CERT1: variants seen among roughly 807,000 people sequenced by gnomAD.
CERT1 encodes ceramide transfer protein.
A neutral mutation model predicts 87.9 loss-of-function variants in CERT1; 31 were observed. The ratio of observed to expected loss-of-function variants is 0.35; its 90% CI spans 0.27 to 0.48. The LOEUF is 0.48. Among genes scored for constraint, CERT1 ranks in the 20% least tolerant of loss-of-function variants. CERT1 has a pLI of 0.99. For missense variants in CERT1, 487 were observed against 758.0 expected, an observed-to-expected ratio of 0.64 and a Z score of 4.20; for synonymous variants, 289 against 250.9, an observed-to-expected ratio of 1.15 and a Z score of -1.44.
chr5:75,477,127 A>T (rs1002443821), intron 2 of CERT1, among the ~76,000 whole-genome samples: 5 of 152,174 alleles, frequency 3.3e-5, no homozygotes, highest in Non-Finnish European at 7.3e-5. Context: ...ACTAGATGGA[A>T]ACTTTGGAAT....
chr5:75,485,041 A>G (rs1000792866), intron 2 of CERT1, among the ~76,000 whole-genome samples: 2 of 152,178 alleles, frequency 1.3e-5, no homozygotes, highest in African/African-American at 4.8e-5. Context: ...ATGCAATAAT[A>G]CTACAATTCA....
intron 5 of CERT1, among the ~76,000 whole-genome samples, chr5:75,421,113 T>C (rs965798503): frequency 2.6e-5 from 4 of 152,216 alleles, no homozygotes; most frequent in African/African-American, 9.6e-5. Context: ...CCAGCCTACA[T>C]GGCTCCTTTA....
Position 75,425,515 on chromosome 5 carries a change from T to G in CERT1, c.457-16A>C. The G allele has an allele frequency of 6.2e-7, 1 of 1,609,630 alleles. No individual in the cohort carries two copies. The highest frequency in any genetic ancestry group is 8.5e-7 in the Non-Finnish European group (1 of 1,178,506). On this transcript the variant is annotated splice_polypyrimidine_tract_variant and intron_variant, in intron 4 of 16. Coordinates refer to ENST00000643780, the MANE Select transcript of CERT1 (RefSeq NM_001379029.1). Reference sequence around the variant, plus strand: ...TGTGGCCTTTCTGCAAAACATAAAATAGGGGGATGTAATTCAAGTAAAACA... The same window carrying G: ...TGTGGCCTTTCTGCAAAACATAAAAGAGGGGGATGTAATTCAAGTAAAACA...
In CERT1 at chr5:75,386,053, C is replaced by A; in HGVS notation, c.1285-19G>T. The A allele has an allele frequency of 6.9e-7, 1 of 1,447,600 alleles. No individual in the cohort carries two copies. Among genetic ancestry groups the A allele is most frequent in the South Asian group, 1.6e-5 (1 of 60,624 alleles). 89.7% of individuals were successfully genotyped at this position (1,447,600 alleles called of 1,614,324 possible). A position where few individuals can be genotyped will look rare whatever the true frequency, so the allele number is the denominator to read the frequency against. On this transcript the variant is annotated intron_variant, in intron 12 of 16. Transcript: ENST00000643780. ...TGTATACCTAAAGAGAACATAATTC[C>A]AAAACTGTTTGAAAATTAAAAATCA...
intron 3 of CERT1, among the ~76,000 whole-genome samples, chr5:75,426,875 T>C (rs984414015): frequency 3.3e-5 from 5 of 152,176 alleles, no homozygotes; most frequent in East Asian, 1.9e-4. Flanking sequence ...GGTTGAACAA[T>C]AGTGTGAATG....
intron 2 of CERT1, among the ~76,000 whole-genome samples, chr5:75,465,914 GCTAA>G (rs1371556715): frequency 6.6e-6 from 1 of 152,200 alleles, no homozygotes; most frequent in Non-Finnish European, 1.5e-5. Context: ...ATGCCCATAT[GCTAA>G]CTAAGGGGAG....
At chr5:75,413,829 C>T (rs1334590556) in intron 7 of CERT1, among the ~76,000 whole-genome samples, 1 of 152,064 alleles carries the variant, frequency 6.6e-6, no homozygotes, top group Non-Finnish European at 1.5e-5. Flanking sequence ...TAGAAATAAT[C>T]ACTTTGGAAA....
chr5:75,388,256 TCTTA>T (rs1424141119), intron 12 of CERT1, among the ~76,000 whole-genome samples: 1 of 152,174 alleles, frequency 6.6e-6, no homozygotes, highest in African/African-American at 2.4e-5. Context: ...TTATCTTATG[TCTTA>T]CTTTGTTCCT....
In CERT1 at chr5:75,379,313, A is replaced by C; in HGVS notation, c.*33T>G. 6.4e-7 allele frequency: 1 copy of C among 1,560,406 alleles called. No individual in the cohort carries two copies. The highest frequency in any genetic ancestry group is 8.7e-7 in the Non-Finnish European group (1 of 1,150,228). On this transcript the variant is annotated 3_prime_UTR_variant, in exon 17 of 17. Coordinates refer to ENST00000643780, the MANE Select transcript of CERT1 (RefSeq NM_001379029.1). ...CATATTAGTCAAATAAAGTTAAAAA[A>C]AGATAAAACATATCTTCTAGTACCT... is the stretch of plus-strand genomic sequence containing the variant.
intron 2 of CERT1, among the ~76,000 whole-genome samples, chr5:75,471,480 G>A (rs1013880408): frequency 1.3e-5 from 2 of 152,098 alleles, no homozygotes; most frequent in African/African-American, 4.8e-5. Context: ...TGGTATGCTG[G>A]GCAGACGTGG....
chr5:75,411,793 G>A (rs1580733789), intron 7 of CERT1, among the ~76,000 whole-genome samples: 1 of 152,176 alleles, frequency 6.6e-6, no homozygotes, highest in East Asian at 1.9e-4. Context: ...CCAGTTAAGA[G>A]ATACATTTAT....
At chr5:75,409,414 A>G (rs1762839957) in intron 8 of CERT1, among the ~76,000 whole-genome samples, 1 of 152,266 alleles carries the variant, frequency 6.6e-6, no homozygotes, top group South Asian at 2.1e-4. Flanking sequence ...GAGCAAAAGT[A>G]GCAAGAAAAA....
intron 2 of CERT1, among the ~76,000 whole-genome samples, chr5:75,497,478 A>T (rs1767129389): frequency 6.6e-6 from 1 of 152,136 alleles, no homozygotes; most frequent in African/African-American, 2.4e-5. Context: ...GGCTGTAAGC[A>T]GTGATATGGT....
intron 3 of CERT1, among the ~76,000 whole-genome samples, chr5:75,452,664 C>T (rs968228758): frequency 6.6e-6 from 1 of 152,034 alleles, no homozygotes; most frequent in Non-Finnish European, 1.5e-5. Flanking sequence ...AAAATGCTCA[C>T]AGAGCCCTTT....
chr5:75,395,507 G>C (rs555221886), intron 11 of CERT1, among the ~76,000 whole-genome samples: 161 of 130,188 alleles, frequency 1.2e-3, no homozygotes, highest in African/African-American at 4.7e-3. Flanking sequence ...ACAGAGCTAT[G>C]ATCATGCCAC....
intron 8 of CERT1, among the ~76,000 whole-genome samples, chr5:75,408,918 C>T (rs1282009643): frequency 6.6e-6 from 1 of 151,802 alleles, no homozygotes; most frequent in Non-Finnish European, 1.5e-5. Context: ...CACCCCTGTC[C>T]TCTACCCCTA....
intron 3 of CERT1, among the ~76,000 whole-genome samples, chr5:75,455,549 T>A (rs541992086): frequency 6.6e-6 from 1 of 152,328 alleles, no homozygotes; most frequent in Admixed American, 6.5e-5. Context: ...TAATACATAG[T>A]AGTGCCAGGA....
chr5:75,479,116 T>C (rs899236928), intron 2 of CERT1, among the ~76,000 whole-genome samples: 2 of 151,726 alleles, frequency 1.3e-5, no homozygotes, highest in African/African-American at 4.8e-5. Context: ...AAAAAAAGAC[T>C]GTGTTTTGTT....
intron 5 of CERT1, among the ~76,000 whole-genome samples, chr5:75,422,963 G>T (rs1580748738): frequency 6.6e-6 from 1 of 152,164 alleles, no homozygotes; most frequent in African/African-American, 2.4e-5. Context: ...ATGGCCTTCA[G>T]AAGAAACCAA....
Sources: gnomAD v4.1 joint callset for allele counts (sites outside exome capture counted in the v4.1 genomes callset) on GRCh38, gnomAD v4.1.1 for gene constraint, MANE v1.5 for transcripts, NCBI Gene and HGNC (gene_info 2026-07-23, HGNC 2026-07-21) for gene names.